The following CTNND1 variants were observed in gnomAD, a reference collection of about 807,000 sequenced individuals.
CTNND1 encodes the protein catenin delta 1, also known as catenin delta-1.
Under a neutral mutation model 112.1 loss-of-function variants are expected in CTNND1, and 16 were observed. That is an observed-to-expected ratio of 0.14 (90% CI 0.10 to 0.22). CTNND1 has a LOEUF of 0.22. Among genes scored for constraint, CTNND1 ranks in the 10% least tolerant of loss-of-function variants. CTNND1 has a pLI of 1.00. For missense variants in CTNND1, 1,008 were observed against 1,257.0 expected, an observed-to-expected ratio of 0.80 and a Z score of 3.00; for synonymous variants, 420 against 446.5, an observed-to-expected ratio of 0.94 and a Z score of 0.75.
chr11:57,811,467 T>C lies in CTNND1; in HGVS notation c.2619T>C (p.Ile873=). The C allele has an allele frequency of 6.2e-7, 1 of 1,613,192 alleles. No individual in the cohort carries two copies. The highest frequency in any genetic ancestry group is 8.5e-7 in the Non-Finnish European group (1 of 1,179,578). The change falls in exon 17 of 21, where the codon ATT becomes ATC. Residue 873 remains isoleucine, a synonymous_variant. Coordinates refer to ENST00000399050, the MANE Select transcript of CTNND1 (RefSeq NM_001085458.2). The part of the protein sequence containing the change: ...HSYDDSTLPL[I]DRNQKSDKKP... ...ATGATGATAGTACTCTCCCTCTCAT[T>C]GACCGGAACCAAAAATCAGGTGCAG...
chr11:57,766,090 C>T (rs1279074723), intron 1 of CTNND1, among the ~76,000 whole-genome samples: 1 of 152,164 alleles, frequency 6.6e-6, no homozygotes, highest in East Asian at 1.9e-4. Flanking sequence ...CTTGCAGAGC[C>T]AGATCCTATC....
chr11:57,791,512 A>C lies in CTNND1; in HGVS notation c.34A>C (p.Ile12Leu), dbSNP rs767815678. The C allele has an allele frequency of 1.9e-6, 3 of 1,588,594 alleles. No individual in the cohort carries two copies. Among genetic ancestry groups the C allele is most frequent in the African/African-American group, 2.7e-5 (2 of 73,828 alleles). Residue 12 changes from isoleucine (I) to leucine (L), a missense_variant, in exon 3 of 21, where the codon ATC becomes CTC. Physicochemically the swap from Ile to Leu is conservative, Grantham distance 5. This residue lies in a region of CTNND1 where 404 missense variants were observed against 457.9 expected (regional missense o/e 0.88). Transcript: ENST00000399050. Reference protein sequence around the residue: ...DDSEVESTASILASVKEQEAQ... With the variant: ...DDSEVESTASLLASVKEQEAQ... ...CTCAGAGGTGGAGTCGACCGCCAGC[A>C]TCTTGGCCTCTGTGAAGGAACAAGA...
chr11:57,816,237 G>C (rs758621939), intron 20 of CTNND1, 60 bp from the exon 21 acceptor site: 74 of 1,598,888 alleles, frequency 4.6e-5, no homozygotes, highest in Non-Finnish European at 5.9e-5. Context: ...AACTTTTTTG[G>C]GGGGGGTCTC....
In CTNND1 at chr11:57,799,979, G is replaced by GTTTTT. The variant is rs1157141511; in HGVS notation, c.957-1732_957-1728dup. ...TCTAAGCTATTCATTTTGTTTCCGT[G>GTTTTT]TTTTTTTTTTTTTTTTTTTTTTTTT... On this transcript the variant is annotated intron_variant, in intron 6 of 20. Transcript: ENST00000399050. 1.4e-4 allele frequency among the ~76,000 whole-genome samples: 8 copies of GTTTTT among 58,860 alleles called. 1 individual carries two copies. Among genetic ancestry groups the GTTTTT allele is most frequent in the Non-Finnish European group, 2.5e-4 (8 of 32,560 alleles). 38.6% of individuals were successfully genotyped at this position (58,860 alleles called of 152,430 possible).
intron 1 of CTNND1, among the ~76,000 whole-genome samples, chr11:57,783,235 G>C (rs1277039345): frequency 1.3e-5 from 2 of 152,078 alleles, no homozygotes; most frequent in Non-Finnish European, 2.9e-5. Context: ...GCAGTGAGCC[G>C]AGATGACGGC....
chr11:57,796,780 C>T lies in CTNND1; in HGVS notation c.744C>T (p.Tyr248=). The change falls in exon 6 of 21, where the codon TAC becomes TAT. Residue 248 remains tyrosine, a synonymous_variant. Coordinates refer to ENST00000399050, the MANE Select transcript of CTNND1 (RefSeq NM_001085458.2). ...EERYRPSMEG[Y]RAPSRQDVYG... ...GGTATAGGCCCAGCATGGAAGGCTA[C>T]CGGGCACCTAGTAGACAGGATGTGT... The T allele has an allele frequency of 6.2e-7, 1 of 1,609,798 alleles. No individual in the cohort carries two copies. The highest frequency in any genetic ancestry group is 8.5e-7 in the Non-Finnish European group (1 of 1,176,830).
At chr11:57,783,239 TGA>T (rs2059767526) in intron 1 of CTNND1, among the ~76,000 whole-genome samples, 1 of 151,766 alleles carries the variant, frequency 6.6e-6, no homozygotes, top group South Asian at 2.1e-4. Flanking sequence ...TGAGCCGAGA[TGA>T]CGGCATTGCA....
In CTNND1 at chr11:57,815,950, G is replaced by A; in HGVS notation, c.2844G>A (p.Leu948=). The change falls in exon 20 of 21, where the codon TTG becomes TTA. Residue 948 remains leucine, a synonymous_variant. Transcript: ENST00000399050. ...GGCAGGAATCTCTGGAGGAAGAGTT[G>A]GATGTGTTGGTTTTGGATGATGAGG... ...DEGQESLEEE[L]DVLVLDDEGG... is the part of the protein sequence containing the mutation. The A allele has an allele frequency of 6.2e-7, 1 of 1,603,108 alleles. No individual in the cohort carries two copies. The highest frequency in any genetic ancestry group is 8.5e-7 in the Non-Finnish European group (1 of 1,177,452).
intron 11 of CTNND1, 112 bp downstream of exon 11, chr11:57,806,590 C>G: frequency 1.0e-6 from 1 of 982,756 alleles, no homozygotes; most frequent in Non-Finnish European, 1.6e-6. Flanking sequence ...TAGGAAAGTT[C>G]AGTTGAGGAA....
intron 1 of CTNND1, among the ~76,000 whole-genome samples, chr11:57,776,863 G>A (rs555915251): frequency 1.4e-4 from 21 of 152,106 alleles, no homozygotes; most frequent in Non-Finnish European, 2.6e-4. Flanking sequence ...ATGTGGGTGT[G>A]TTCAGTTCTC....
chr11:57,789,465 T>C (rs1455425824), intron 2 of CTNND1, among the ~76,000 whole-genome samples: 1 of 152,206 alleles, frequency 6.6e-6, no homozygotes, highest in African/African-American at 2.4e-5. Flanking sequence ...TTCATTTTTA[T>C]ATAACTATCT....
At chr11:57,813,241 C>G (rs1169878052) in intron 17 of CTNND1, among the ~76,000 whole-genome samples, 1 of 152,146 alleles carries the variant, frequency 6.6e-6, no homozygotes, top group Non-Finnish European at 1.5e-5. Context: ...AGGGAGATCA[C>G]TTGAGCCCAG....
At chr11:57,809,495 A>G in intron 15 of CTNND1, 29 bp downstream of exon 15, 9 of 1,575,378 alleles carry the variant, frequency 5.7e-6, no homozygotes, top group Non-Finnish European at 7.8e-6. Context: ...ATTACAGTCA[A>G]AAGAATTTGA....
intron 1 of CTNND1, among the ~76,000 whole-genome samples, chr11:57,766,994 T>G (rs1951245870): frequency 6.6e-6 from 1 of 150,990 alleles, no homozygotes; most frequent in African/African-American, 2.4e-5. Context: ...TTTTTTGAGA[T>G]GGAGTCTTGC....
At chr11:57,804,836 A>G in intron 9 of CTNND1, 56 bp downstream of exon 9, 2 of 1,281,014 alleles carry the variant, frequency 1.6e-6, no homozygotes, top group Non-Finnish European at 2.2e-6. Context: ...ACAACTATGA[A>G]GTATCTGTAG....
At chr11:57,793,962 CA>C (rs751511942) in intron 3 of CTNND1, 47 bp from the exon 4 acceptor site, 91 of 1,588,558 alleles carry the variant, frequency 5.7e-5, no homozygotes, top group Non-Finnish European at 6.8e-5. Flanking sequence ...TTTGATAGAG[CA>C]AAAGAAGGCC....
chr11:57,808,311 A>G lies in CTNND1; in HGVS notation c.2091+19A>G, dbSNP rs2062951950. ...CTGGACGGTACCTTTTAGAAAAGGGATTTGGAGATGGGAAAACTTAGATAA... is the reference window on the plus strand; with the variant it reads ...CTGGACGGTACCTTTTAGAAAAGGGGTTTGGAGATGGGAAAACTTAGATAA... On this transcript the variant is annotated intron_variant, in intron 13 of 20. Coordinates refer to ENST00000399050, the MANE Select transcript of CTNND1 (RefSeq NM_001085458.2). The G allele has an allele frequency of 5.6e-6, 9 of 1,602,026 alleles. No individual in the cohort carries two copies. Among genetic ancestry groups the G allele is most frequent in the Non-Finnish European group, 7.7e-6 (9 of 1,170,322 alleles).
chr11:57,796,395 A>G lies in CTNND1; in HGVS notation c.421-62A>G, dbSNP rs2061367284. The G allele has an allele frequency of 3.4e-6, 5 of 1,472,174 alleles. No individual in the cohort carries two copies. In the Admixed American group the frequency reaches 1.3e-4, roughly 38 times the overall value. 91.2% of individuals were successfully genotyped at this position (1,472,174 alleles called of 1,614,324 possible). A position where few individuals can be genotyped will look rare whatever the true frequency, so the allele number is the denominator to read the frequency against. ...GTGCAAGACTCCATCTCAAAAAAAA[A>G]AAAAGAATTTAATTGCTCACTTCCT... On this transcript the variant is annotated intron_variant, in intron 5 of 20. Coordinates refer to ENST00000399050, the MANE Select transcript of CTNND1 (RefSeq NM_001085458.2).
chr11:57,797,345 C>T (rs2061451155), intron 6 of CTNND1, among the ~76,000 whole-genome samples: 2 of 148,618 alleles, frequency 1.3e-5, no homozygotes, highest in African/African-American at 4.9e-5. Context: ...ATTCTCATGC[C>T]TCAGCCTCCC....
Sources: gnomAD v4.1 joint callset for allele counts (sites outside exome capture counted in the v4.1 genomes callset) on GRCh38, gnomAD v4.1.1 for gene constraint, gnomAD v4.1.1 regional missense constraint, MANE v1.5 for transcripts, NCBI Gene and HGNC (gene_info 2026-07-23, HGNC 2026-07-21) for gene names.